MSRB3: variants seen among roughly 807,000 people sequenced by gnomAD.
MSRB3 encodes methionine sulfoxide reductase B3.
Under a neutral mutation model 21.0 loss-of-function variants are expected in MSRB3, and 13 were observed. That is an observed-to-expected ratio of 0.62 (90% confidence interval 0.40 to 0.98). The LOEUF (loss-of-function observed/expected upper bound fraction) is 0.98. Ranked by LOEUF, MSRB3 falls within the 50% of genes least tolerant of loss-of-function variation. MSRB3 has a pLI of 0.00. For missense variants in MSRB3, 199 were observed against 230.3 expected, an observed-to-expected ratio of 0.86 and a Z score of 0.88; for synonymous variants, 87 against 88.6, an observed-to-expected ratio of 0.98 and a Z score of 0.10.
At chr12:65,285,832 A>G (rs975745329) in intron 1 of MSRB3, 1 of 152,232 alleles carries the variant, frequency 6.6e-6, no homozygotes, top group Non-Finnish European at 1.5e-5. Flanking sequence ...AAAACAAACA[A>G]AAATCCCCAA....
chr12:65,301,105 C>A (rs548152267), intron 1 of MSRB3, among the ~76,000 whole-genome samples: 2 of 152,108 alleles, frequency 1.3e-5, no homozygotes, highest in Admixed American at 6.6e-5. Context: ...TACACACACA[C>A]AGACACACAC....
At chr12:65,444,590 C>T (rs183328984) in intron 5 of MSRB3, among the ~76,000 whole-genome samples, 3 of 152,220 alleles carry the variant, frequency 2.0e-5, no homozygotes, top group Admixed American at 2.0e-4. Flanking sequence ...TTCCAAATAT[C>T]TTAAAATAAA....
At chr12:65,289,070 T>C (rs1409901576) in intron 1 of MSRB3, among the ~76,000 whole-genome samples, 1 of 152,244 alleles carries the variant, frequency 6.6e-6, no homozygotes, top group Non-Finnish European at 1.5e-5. Context: ...TACTCAGAAG[T>C]ACCCATAGTC....
chr12:65,331,187 A>G (rs1385918897), intron 4 of MSRB3, among the ~76,000 whole-genome samples: 4 of 152,202 alleles, frequency 2.6e-5, no homozygotes, highest in Middle Eastern at 3.2e-3. Flanking sequence ...ATTTAAATAT[A>G]TGAGGAAGCA....
chr12:65,346,171 C>T (rs2136482869), intron 4 of MSRB3, among the ~76,000 whole-genome samples: 1 of 152,282 alleles, frequency 6.6e-6, no homozygotes, highest in Middle Eastern at 3.4e-3. Context: ...CTGACTTCCA[C>T]AATGGTTGAA....
In MSRB3 at chr12:65,278,683, A is replaced by G; in HGVS notation, c.-234A>G. The G allele has an allele frequency of 5.0e-6, 6 of 1,203,046 alleles. No homozygotes were observed. Among genetic ancestry groups the G allele is most frequent in the South Asian group, 2.7e-5 (2 of 75,202 alleles). The allele number at this position is 1,203,046 out of a possible 1,614,324, so 74.5% of individuals were successfully genotyped here. A position where few individuals can be genotyped will look rare whatever the true frequency, so the allele number is the denominator to read the frequency against. On this transcript the variant is annotated 5_prime_UTR_variant, in exon 1 of 7. It removes an upstream start codon present in the reference 5' UTR. Transcript: ENST00000308259. ...TGCCCGTGCCCAGGAATTTCCCGTC[A>G]TGCCTCCCGCCGCCCCGTCCGTCGC... is the stretch of plus-strand genomic sequence containing the variant.
chr12:65,351,282 A>ATG (rs1484425534), intron 4 of MSRB3, among the ~76,000 whole-genome samples: 4 of 150,082 alleles, frequency 2.7e-5, no homozygotes, highest in African/African-American at 1.0e-4. Context: ...AAGACACAAC[A>ATG]TACCAGAATC....
intron 5 of MSRB3, among the ~76,000 whole-genome samples, chr12:65,422,864 T>C (rs1169319301): frequency 1.3e-5 from 2 of 152,012 alleles, no homozygotes; most frequent in Non-Finnish European, 2.9e-5. Flanking sequence ...TATTAGTGTA[T>C]AGAAATGTAA....
rs147961431 is a variant in MSRB3 at position 65,452,190 on chromosome 12, AGT to A, written c.293-1533_293-1532del. On this transcript the variant is annotated intron_variant, in intron 5 of 6. Transcript: ENST00000308259. ...CCTAAACCTGTTTACTACTAAATCA[AGT>A]GTGTCCCTCCCACAATATCAGTTGC... Among the ~76,000 whole-genome samples the A allele has an allele frequency of 2.7e-4, 41 of 152,266 alleles. No individual in the cohort carries two copies. The East Asian group carries it at 7.7e-3, about 29-fold the overall frequency.
intron 5 of MSRB3, among the ~76,000 whole-genome samples, chr12:65,423,464 A>C (rs542892276): frequency 6.6e-6 from 1 of 152,230 alleles, no homozygotes; most frequent in South Asian, 2.1e-4. Context: ...TTTGAGTTTG[A>C]TTTTAGCTGT....
At chr12:65,352,275 A>G (rs1484044831) in intron 4 of MSRB3, among the ~76,000 whole-genome samples, 17 of 152,154 alleles carry the variant, frequency 1.1e-4, no homozygotes, top group Non-Finnish European at 4.4e-5. Context: ...CCTTCATGCT[A>G]AAAACTCTCA....
intron 1 of MSRB3, among the ~76,000 whole-genome samples, chr12:65,289,893 A>G (rs1287976173): frequency 2.6e-5 from 4 of 152,198 alleles, no homozygotes; most frequent in Non-Finnish European, 5.9e-5. Context: ...GCTATGTAGT[A>G]TTCCATGATG....
intron 1 of MSRB3, among the ~76,000 whole-genome samples, chr12:65,307,720 A>G (rs910522950): frequency 6.6e-6 from 1 of 152,174 alleles, no homozygotes; most frequent in Non-Finnish European, 1.5e-5. Flanking sequence ...CTTCCACATA[A>G]TTCATTTCCA....
chr12:65,362,893 C>T (rs1360718237), intron 4 of MSRB3, among the ~76,000 whole-genome samples: 1 of 152,152 alleles, frequency 6.6e-6, no homozygotes, highest in Non-Finnish European at 1.5e-5. Context: ...CTTTGAGTTA[C>T]TTCTAGGGGT....
At chr12:65,283,904 A>G (rs1470882546) in intron 1 of MSRB3, 1 of 152,180 alleles carries the variant, frequency 6.6e-6, no homozygotes, top group South Asian at 2.1e-4. Flanking sequence ...TAGATTTTAC[A>G]TGCTTTTCCA....
At chr12:65,432,637 C>A (rs565972642) in intron 5 of MSRB3, among the ~76,000 whole-genome samples, 1 of 151,902 alleles carries the variant, frequency 6.6e-6, no homozygotes, top group African/African-American at 2.4e-5. Flanking sequence ...CCCGCCATCC[C>A]CATTTGTAGC....
chr12:65,339,606 G>A (rs1395764927), intron 4 of MSRB3, among the ~76,000 whole-genome samples: 1 of 152,142 alleles, frequency 6.6e-6, no homozygotes, highest in Non-Finnish European at 1.5e-5. Flanking sequence ...ATGTAGTTAA[G>A]TGTAGTTAAA....
chr12:65,301,174 G>T (rs570219367), intron 1 of MSRB3, among the ~76,000 whole-genome samples: 4 of 152,196 alleles, frequency 2.6e-5, no homozygotes, highest in Non-Finnish European at 5.9e-5. Flanking sequence ...CATTATAGAT[G>T]TATACATGCA....
intron 6 of MSRB3, among the ~76,000 whole-genome samples, chr12:65,458,469 C>T (rs1883186734): frequency 6.6e-6 from 1 of 152,144 alleles, no homozygotes; most frequent in South Asian, 2.1e-4. Context: ...AGTCCTATCA[C>T]CACTTTTTCT....
Sources: allele counts gnomAD v4.1 joint callset (sites outside exome capture counted in the v4.1 genomes callset), GRCh38; gene constraint gnomAD v4.1.1; transcripts MANE v1.5; gene names NCBI Gene and HGNC (gene_info 2026-07-23, HGNC 2026-07-21).